APLP1: variants seen among roughly 807,000 people sequenced by gnomAD.
APLP1 encodes the protein amyloid beta precursor like protein 1.
In APLP1, 46 loss-of-function variants were observed where a neutral mutation model predicts 84.5. The observed-to-expected ratio is 0.54, with a 90% confidence interval of 0.43 to 0.70. The LOEUF is 0.70. Among genes scored for constraint, APLP1 ranks in the 30% least tolerant of loss-of-function variants. The pLI is 0.00. For missense variants in APLP1, 826 were observed against 900.2 expected (o/e 0.92, Z 1.05); for synonymous variants, 376 against 364.0 (o/e 1.03, Z -0.38).
chr19:35,877,806 G>C lies in APLP1; in HGVS notation c.1533G>C (p.Gln511His), dbSNP rs373063120. ...GGSSEDKGGL[Q>H]PPDSKDADTP... is the part of the protein sequence containing the mutation. ...GCAGCGAGGACAAGGGTGGGCTGCA[G>C]CCTCCAGATTCCAAGGATGGTGAGT... Residue 511 changes from glutamine to histidine, a missense_variant, in exon 12 of 17, where the codon CAG becomes CAC. By Grantham distance (24) the Gln-to-His change is conservative (BLOSUM62 0). Coordinates refer to ENST00000221891, the MANE Select transcript of APLP1 (RefSeq NM_001024807.3). The C allele has an allele frequency of 3.3e-4, 539 of 1,610,612 alleles. 7 individuals are homozygous for C. In the South Asian group the frequency reaches 4.7e-3, roughly 14 times the overall value.
chr19:35,878,032 A>G, intron 12 of APLP1, 50 bp from the exon 13 acceptor site: 5 of 1,587,752 alleles, frequency 3.1e-6, no homozygotes, highest in Non-Finnish European at 4.3e-6. Flanking sequence ...TTCTTTGCTG[A>G]TACCCTCCTC....
chr19:35,878,560 G>T (rs1016771811), intron 13 of APLP1, 24 bp from the exon 14 acceptor site: 1 of 1,601,748 alleles, frequency 6.2e-7, no homozygotes, highest in African/African-American at 1.3e-5. Context: ...AAAAAAAAAA[G>T]AATGAGATCA....
intron 12 of APLP1, 128 bp from the exon 13 acceptor site, chr19:35,877,954 A>T: frequency 3.1e-6 from 4 of 1,307,726 alleles, no homozygotes; most frequent in Non-Finnish European, 4.3e-6. Flanking sequence ...GGAACGTCTA[A>T]GGTTGCAGGG....
Position 35,871,709 on chromosome 19 carries a change from C to G in APLP1, c.635C>G (p.Pro212Arg). The G allele has an allele frequency of 6.2e-7, 1 of 1,614,114 alleles. No homozygotes were observed. Among genetic ancestry groups the G allele is most frequent in the Non-Finnish European group, 8.5e-7 (1 of 1,180,028 alleles). ...GGTGTGGAGTATGTGTGCTGTCCCC[C>G]TCCAGGGACCCCCGACCCATCTGGG... ...FRGVEYVCCP[P>R]PGTPDPSGTA... is the part of the protein sequence containing the mutation. The change falls in exon 5 of 17, where the codon CCT (proline) becomes CGT (arginine). Residue 212 changes from proline to arginine, a missense_variant. Around this residue, in one of 3 missense-constraint regions of APLP1, gnomAD observed 383 missense variants for 378.3 expected, o/e 1.01. Coordinates refer to ENST00000221891, the MANE Select transcript of APLP1 (RefSeq NM_001024807.3).
At position 35,874,910 on chromosome 19, in the gene APLP1, T is replaced by A. The variant is rs1974245207; in HGVS notation, c.1344+41T>A. On this transcript the variant is annotated intron_variant, in intron 10 of 16. Coordinates refer to ENST00000221891, the MANE Select transcript of APLP1 (RefSeq NM_001024807.3). The surrounding 1 kb of genome is among the most constrained non-coding windows in gnomAD (Gnocchi z 6.4). ...CAGCTCCCAAATGCGCCGCTATTCC[T>A]CAGACGCCCGCGCCTCAGGCTCTTC... is the stretch of plus-strand genomic sequence containing the variant. 1 of 1,593,800 alleles carries A rather than the reference T, an allele frequency of 6.3e-7. No homozygotes were observed. Among genetic ancestry groups the A allele is most frequent in the African/African-American group, 1.3e-5 (1 of 74,720 alleles).
intron 10 of APLP1, among the ~76,000 whole-genome samples, chr19:35,876,067 G>A (rs1420102149): frequency 2.6e-5 from 4 of 152,212 alleles, no homozygotes; most frequent in South Asian, 4.1e-4. Context: ...GAGCCACCGC[G>A]CCCGGTCGAG....
Position 35,868,828 on chromosome 19 carries a change from CG to C in APLP1, c.147+48del. On this transcript the variant is annotated intron_variant, in intron 1 of 16. Transcript: ENST00000221891. This position sits in a 1 kb window ranked among gnomAD's most constrained non-coding sequence, Gnocchi z 5.2. ...TGGGGGATGGGGGAAGGGGCGGGAC[CG>C]GGTCTCTGGACGCCGGCGCGGACAT... The C allele has an allele frequency of 7.9e-7, 1 of 1,260,574 alleles. No homozygotes were observed. The highest frequency in any genetic ancestry group is 1.0e-6 in the Non-Finnish European group (1 of 1,000,750). 78.1% of individuals were successfully genotyped at this position (1,260,574 alleles called of 1,614,324 possible).
chr19:35,876,443 C>T (rs557490808), intron 10 of APLP1, 74 bp from the exon 11 acceptor site: 1 of 1,314,054 alleles, frequency 7.6e-7, no homozygotes, highest in Non-Finnish European at 1.1e-6. Flanking sequence ...TTGAATTCCT[C>T]CTTCATACTG....
chr19:35,878,687 G>A (rs2146915877), intron 14 of APLP1, 33 bp downstream of exon 14: 14 of 1,612,676 alleles, frequency 8.7e-6, no homozygotes, highest in East Asian at 4.5e-5. Flanking sequence ...CTCCCTAAGG[G>A]GAACAAGATC....
In APLP1 at chr19:35,869,767, G is replaced by T. The variant is rs777564589; in HGVS notation, c.248G>T (p.Arg83Leu). The T allele has an allele frequency of 1.2e-6, 2 of 1,606,940 alleles. No individual in the cohort carries two copies. Among genetic ancestry groups the T allele is most frequent in the Non-Finnish European group, 1.7e-6 (2 of 1,177,692 alleles). The change falls in exon 2 of 17, where the codon CGC becomes CTC. Residue 83 changes from arginine to leucine, a missense_variant. Arg to Leu is a moderately radical substitution (Grantham distance 102). Coordinates refer to ENST00000221891, the MANE Select transcript of APLP1 (RefSeq NM_001024807.3). ...RWEPDPQRSR[R>L]CLRDPQRVLE... is the part of the protein sequence containing the mutation. ...GAACCAGACCCACAGCGCTCTCGAC[G>T]CTGTCTCCGGGACCCGCAGCGCGTG...
At chr19:35,871,143 A>G (rs573645515) in intron 3 of APLP1, 94 bp from the exon 4 acceptor site, 2 of 1,525,470 alleles carry the variant, frequency 1.3e-6, no homozygotes, top group African/African-American at 2.7e-5. Flanking sequence ...TAAGTGGGGC[A>G]GAGAAGCCTC....
At position 35,878,927 on chromosome 19, in the gene APLP1, C is replaced by T; in HGVS notation, c.1688C>T (p.Ser563Leu). The T allele has an allele frequency of 3.1e-6, 5 of 1,614,126 alleles. No homozygotes were observed. The highest frequency in any genetic ancestry group is 3.4e-6 in the Non-Finnish European group (4 of 1,180,008). ...ASVPRGFPFHSSEIQRDELAP... is the reference protein window; with the variant it reads ...ASVPRGFPFHLSEIQRDELAP... The stretch of plus-strand genomic sequence containing the variant: ...GTTCCAAGGGGTTTCCCTTTCCACT[C>T]ATCGGAGATTCAGAGGGATGAGCTG... The change falls in exon 15 of 17, where the codon TCA becomes TTA. Residue 563 changes from serine to leucine, a missense_variant. Around this residue, in one of 3 missense-constraint regions of APLP1, gnomAD observed 433 missense variants for 496.5 expected, o/e 0.87. Coordinates refer to ENST00000221891, the MANE Select transcript of APLP1 (RefSeq NM_001024807.3).
intron 1 of APLP1, 157 bp from the exon 2 acceptor site, chr19:35,869,510 G>A (rs1974084929): frequency 9.6e-7 from 1 of 1,042,662 alleles, no homozygotes. Context: ...CGCCCTACGG[G>A]AGCTGTTTCC....
At position 35,879,266 on chromosome 19, in the gene APLP1, G is replaced by A. The variant is rs764131981; in HGVS notation, c.1857+49G>A. On this transcript the variant is annotated intron_variant, in intron 16 of 16. Transcript: ENST00000221891. ...GTGTGGGAAGAGTTCCTGAGCCCGG[G>A]TGTGGGCGGCCTGAGAGACTTGCGG... 5 of 1,608,994 alleles carry A rather than the reference G, an allele frequency of 3.1e-6. No individual in the cohort carries two copies. In the African/African-American group the frequency reaches 4.0e-5, roughly 13 times the overall value.
At chr19:35,878,691 C>A in intron 14 of APLP1, 37 bp downstream of exon 14, 2 of 1,610,724 alleles carry the variant, frequency 1.2e-6, no homozygotes, top group East Asian at 2.2e-5. Flanking sequence ...CTAAGGGGAA[C>A]AAGATCGGGG....
Position 35,876,612 on chromosome 19 carries a change from A to G in APLP1, c.1440A>G (p.Gln480=). 3 of 1,610,484 alleles carry G rather than the reference A, an allele frequency of 1.9e-6. No homozygotes were observed. Among genetic ancestry groups the G allele is most frequent in the East Asian group, 2.2e-5 (1 of 44,762 alleles). The change falls in exon 11 of 17, where the codon CAA becomes CAG. Residue 480 remains glutamine (Q), a synonymous_variant. Transcript: ENST00000221891. ...ACCTGGCTCAGGAGCTGCGGCCCCAAATCCGTGAGTGTCTATTACCCTGGC... is the reference window on the plus strand; with the variant it reads ...ACCTGGCTCAGGAGCTGCGGCCCCAGATCCGTGAGTGTCTATTACCCTGGC... ...NPHLAQELRP[Q]IQELLHSEHL...
rs755457840 is a variant in APLP1 at position 35,879,203 on chromosome 19, C to T, written c.1843C>T (p.His615Tyr). 1.9e-6 allele frequency: 3 copies of T among 1,612,716 alleles called. No homozygotes were observed. Among genetic ancestry groups the T allele is most frequent in the Non-Finnish European group, 2.5e-6 (3 of 1,179,838 alleles). Residue 615 changes from histidine (H) to tyrosine (Y), a missense_variant, in exon 16 of 17, where the codon CAT becomes TAT. Physicochemically the swap from His to Tyr is moderately conservative, Grantham distance 83 (BLOSUM62 2). Coordinates refer to ENST00000221891, the MANE Select transcript of APLP1 (RefSeq NM_001024807.3). Reference protein sequence around the residue: ...RRKKPYGAISHGVVEVDPMLT... With the variant: ...RRKKPYGAISYGVVEVDPMLT... ...GAAGAAGCCCTACGGGGCTATCAGC[C>T]ATGGCGTGGTGGAGGTGAGAACCAT...
chr19:35,877,511 A>C lies in APLP1; in HGVS notation c.1445-207A>C, dbSNP rs531288146. ...CTCAAAAAAAAAAAAACAAAAAAAA[A>C]ACATAATCTTGAAACTTCAGCCTCC... On this transcript the variant is annotated intron_variant, in intron 11 of 16. Transcript: ENST00000221891. Among the ~76,000 whole-genome samples, 1,461 of 151,876 alleles carry C rather than the reference A, an allele frequency of 9.6e-3. 13 individuals are homozygous for C. Among genetic ancestry groups the C allele is most frequent in the Non-Finnish European group, 0.013 (865 of 67,938 alleles).
rs372376841 is a variant in APLP1, at chr19:35,868,831, G to C, written c.147+48G>C. 3 of 1,258,024 alleles carry C rather than the reference G, an allele frequency of 2.4e-6. 1 individual carries two copies. In the South Asian group the frequency reaches 8.1e-5, roughly 34 times the overall value. 77.9% of individuals were successfully genotyped at this position (1,258,024 alleles called of 1,614,324 possible). On this transcript the variant is annotated intron_variant, in intron 1 of 16. Coordinates refer to ENST00000221891, the MANE Select transcript of APLP1 (RefSeq NM_001024807.3). This position sits in a 1 kb window ranked among gnomAD's most constrained non-coding sequence, Gnocchi z 5.2. ...GGGATGGGGGAAGGGGCGGGACCGG[G>C]TCTCTGGACGCCGGCGCGGACATGT...
Sources: gnomAD v4.1 joint callset for allele counts (sites outside exome capture counted in the v4.1 genomes callset) on GRCh38, gnomAD v4.1.1 for gene constraint, gnomAD v4.1.1 regional missense constraint, Gnocchi (gnomAD v3.1) non-coding constraint, MANE v1.5 for transcripts, NCBI Gene and HGNC (gene_info 2026-07-23, HGNC 2026-07-21) for gene names.